The following ESRRG variants were observed in gnomAD, a reference collection of about 807,000 sequenced individuals.
ESRRG encodes estrogen related receptor gamma, also known as estrogen-related receptor gamma.
A neutral mutation model predicts 44.0 loss-of-function variants in ESRRG; 13 were observed. The ratio of observed to expected loss-of-function variants is 0.30; its 90% CI spans 0.19 to 0.47. The LOEUF (loss-of-function observed/expected upper bound fraction) is 0.47. ESRRG is among the 20% of genes least tolerant of loss of function. The pLI, the probability that ESRRG is intolerant of heterozygous loss-of-function variation, is 1.00. For synonymous variants in ESRRG, 215 were observed against 214.6 expected, an observed-to-expected ratio of 1.00 and a Z score of -0.02; for missense variants, 395 against 580.6, an observed-to-expected ratio of 0.68 and a Z score of 3.29.
chr1:216,922,277 C>T (rs2061942925), intron 2 of ESRRG, among the ~76,000 whole-genome samples: 1 of 152,168 alleles, frequency 6.6e-6, no homozygotes, highest in African/African-American at 2.4e-5. Flanking sequence ...ATAGGAAAAA[C>T]TGTAGCTTCT....
chr1:217,019,736 G>A (rs2079996100), intron 1 of ESRRG, among the ~76,000 whole-genome samples: 1 of 152,122 alleles, frequency 6.6e-6, no homozygotes, highest in African/African-American at 2.4e-5. Flanking sequence ...TTTTACATTA[G>A]GAAGAGCAGA....
intron 2 of ESRRG, among the ~76,000 whole-genome samples, chr1:216,890,987 G>A (rs181468142): frequency 1.3e-5 from 2 of 152,112 alleles, no homozygotes; most frequent in Non-Finnish European, 2.9e-5. Flanking sequence ...ATGATTACAC[G>A]ATCTTATTTG....
At chr1:216,757,881 T>C (rs1212227815) in intron 2 of ESRRG, among the ~76,000 whole-genome samples, 3 of 152,082 alleles carry the variant, frequency 2.0e-5, no homozygotes, top group Non-Finnish European at 2.9e-5. Flanking sequence ...AAATGTCTAA[T>C]GTCTAATTGA....
intron 2 of ESRRG, among the ~76,000 whole-genome samples, chr1:216,836,843 C>A (rs1190278038): frequency 6.6e-6 from 1 of 152,040 alleles, no homozygotes; most frequent in Non-Finnish European, 1.5e-5. Flanking sequence ...TGGTAGATGG[C>A]TGAAATTGGT....
intron 1 of ESRRG, among the ~76,000 whole-genome samples, chr1:217,110,068 CT>C (rs2092644101): frequency 6.6e-6 from 1 of 152,142 alleles, no homozygotes; most frequent in African/African-American, 2.4e-5. Context: ...TGTCAGCCTT[CT>C]TTTCATCATC....
At chr1:216,674,111 T>C (rs1427913959) in intron 2 of ESRRG, among the ~76,000 whole-genome samples, 1 of 152,224 alleles carries the variant, frequency 6.6e-6, no homozygotes, top group Non-Finnish European at 1.5e-5. Flanking sequence ...ACAGTTTGAA[T>C]TGTATATACT....
rs2060094596 is a variant in ESRRG, at chr1:216,568,520, C to G, written c.590-422G>C. 2.0e-5 allele frequency among the ~76,000 whole-genome samples: 3 copies of G among 152,166 alleles called. No individual in the cohort carries two copies. The South Asian group carries it at 6.2e-4, about 32-fold the overall frequency. On this transcript the variant is annotated intron_variant, in intron 3 of 6. Coordinates refer to ENST00000408911, the MANE Select transcript of ESRRG (RefSeq NM_001438.4). ...AAGAGCTATCCAACTTCCCTCCAGT[C>G]TGCCAGAGGCCTCAGGATGGACCTG... is the stretch of plus-strand genomic sequence containing the variant.
At chr1:216,576,007 T>C (rs995128189) in intron 3 of ESRRG, among the ~76,000 whole-genome samples, 2 of 152,048 alleles carry the variant, frequency 1.3e-5, no homozygotes, top group African/African-American at 4.8e-5. Flanking sequence ...AAAGATTCCA[T>C]TCCTCTTTTT....
intron 2 of ESRRG, among the ~76,000 whole-genome samples, chr1:216,730,305 T>TG (rs1553549420): frequency 8.2e-6 from 1 of 121,458 alleles, no homozygotes; most frequent in East Asian, 2.4e-4. Context: ...CTTAGAAAGG[T>TG]AAAAAAAAAA....
chr1:217,109,190 TGAA>T (rs2092633622), intron 1 of ESRRG, among the ~76,000 whole-genome samples: 1 of 152,130 alleles, frequency 6.6e-6, no homozygotes, highest in East Asian at 1.9e-4. Context: ...TATAAACCAA[TGAA>T]GAAAATATTT....
At chr1:216,658,280 C>T (rs1354136068) in intron 2 of ESRRG, among the ~76,000 whole-genome samples, 3 of 152,094 alleles carry the variant, frequency 2.0e-5, no homozygotes, top group Non-Finnish European at 4.4e-5. Flanking sequence ...ATTACTTAGC[C>T]TTGATTTTTT....
At chr1:216,828,184 G>A (rs1283390308) in intron 2 of ESRRG, among the ~76,000 whole-genome samples, 1 of 152,176 alleles carries the variant, frequency 6.6e-6, no homozygotes, top group African/African-American at 2.4e-5. Flanking sequence ...GATCTTCGTA[G>A]TCCTCCTAGC....
intron 6 of ESRRG, among the ~76,000 whole-genome samples, chr1:216,509,910 T>G (rs2042223971): frequency 6.6e-6 from 1 of 152,186 alleles, no homozygotes; most frequent in Non-Finnish European, 1.5e-5. Flanking sequence ...TAATCTCTGT[T>G]TTGTTCTTTT....
rs2092830591 is a variant in ESRRG, at chr1:217,122,356, C to T, written c.-230+15311G>A. ...CAGAAAAAGAAAAGCAATCTGAAGACATACCTGGATTTGCATCCTGGCCCC... is the reference window on the plus strand; with the variant it reads ...CAGAAAAAGAAAAGCAATCTGAAGATATACCTGGATTTGCATCCTGGCCCC... On this transcript the variant is annotated intron_variant, in intron 1 of 8. Transcript: ENST00000366940. 2.6e-5 allele frequency among the ~76,000 whole-genome samples: 4 copies of T among 152,134 alleles called. No homozygotes were observed. The South Asian group carries it at 8.3e-4, about 32-fold the overall frequency.
chr1:216,806,382 G>C (rs1438865371), intron 2 of ESRRG, among the ~76,000 whole-genome samples: 1 of 152,122 alleles, frequency 6.6e-6, no homozygotes, highest in Non-Finnish European at 1.5e-5. Flanking sequence ...TAGAGTCACG[G>C]TCAACAGAAT....
At chr1:217,053,145 A>G (rs2086388021) in intron 1 of ESRRG, among the ~76,000 whole-genome samples, 1 of 150,980 alleles carries the variant, frequency 6.6e-6, no homozygotes, top group Non-Finnish European at 1.5e-5. Context: ...AAAAAAAAAA[A>G]AAAAAAAACA....
At chr1:216,698,379 C>A (rs1241014961) in intron 1 of ESRRG, among the ~76,000 whole-genome samples, 2 of 151,584 alleles carry the variant, frequency 1.3e-5, no homozygotes, top group Admixed American at 6.6e-5. Flanking sequence ...ATTATCCGGG[C>A]GTGGTGGGGG....
At chr1:216,942,465 T>C (rs1283903083) in intron 1 of ESRRG, among the ~76,000 whole-genome samples, 1 of 152,156 alleles carries the variant, frequency 6.6e-6, no homozygotes, top group Non-Finnish European at 1.5e-5. Flanking sequence ...GTAGTTCTGT[T>C]TTTAGTTATT....
intron 1 of ESRRG, among the ~76,000 whole-genome samples, chr1:217,121,917 A>G (rs1245093455): frequency 1.3e-5 from 2 of 152,186 alleles, no homozygotes; most frequent in Non-Finnish European, 2.9e-5. Flanking sequence ...TAAGTTCTTG[A>G]TGGTGTAATA....
Sources: gnomAD v4.1 joint callset for allele counts (sites outside exome capture counted in the v4.1 genomes callset) on GRCh38, gnomAD v4.1.1 for gene constraint, MANE v1.5 for transcripts, NCBI Gene and HGNC (gene_info 2026-07-23, HGNC 2026-07-21) for gene names.